Variants in CNTNAP2 observed in about 807,000 individuals in gnomAD.
The protein encoded by CNTNAP2 is contactin-associated protein-like 2.
CNTNAP2 carries 98 observed loss-of-function variants against 155.2 expected under a neutral mutation model. The ratio of observed to expected loss-of-function variants is 0.63; its 90% CI spans 0.54 to 0.75. CNTNAP2 has a LOEUF of 0.75. CNTNAP2 is among the 30% of genes least tolerant of loss of function. The probability of loss-of-function intolerance (pLI) is 0.00; values close to 1 mark genes in which losing one functional copy is unlikely to be tolerated. For synonymous variants in CNTNAP2, 651 were observed against 631.2 expected, an observed-to-expected ratio of 1.03 and a Z score of -0.47; for missense variants, 1,727 against 1,688.1, an observed-to-expected ratio of 1.02 and a Z score of -0.40.
intron 9 of CNTNAP2, among the ~76,000 whole-genome samples, chr7:147,384,504 G>C (rs962399043): frequency 6.6e-6 from 1 of 152,096 alleles, no homozygotes; most frequent in Non-Finnish European, 1.5e-5. Context: ...AGCCACAGAA[G>C]TCACCCTGGT....
intron 19 of CNTNAP2, among the ~76,000 whole-genome samples, chr7:148,227,884 CGTGTGTGTGTGTGTGTGTGTGTGTGTGT>C (rs3057282): frequency 7.6e-6 from 1 of 131,406 alleles, no homozygotes. Context: ...AAGAGCACAG[CGTGTGTGTGTGTGTGTGTGTGTGTGTGT>C]GTGTGTGTGT....
At chr7:147,927,942 A>G (rs1309324056) in intron 14 of CNTNAP2, among the ~76,000 whole-genome samples, 1 of 152,186 alleles carries the variant, frequency 6.6e-6, no homozygotes, top group East Asian at 1.9e-4. Flanking sequence ...CCCCACTCAA[A>G]TCTCATCTTG....
At chr7:146,273,830 A>AT (rs1171063929) in intron 1 of CNTNAP2, among the ~76,000 whole-genome samples, 2 of 152,142 alleles carry the variant, frequency 1.3e-5, no homozygotes, top group Non-Finnish European at 2.9e-5. Context: ...TTCTTCGTAA[A>AT]ACAAGGCGAT....
intron 3 of CNTNAP2, among the ~76,000 whole-genome samples, chr7:147,022,976 G>A (rs766474929): frequency 3.9e-5 from 6 of 152,112 alleles, no homozygotes; most frequent in South Asian, 2.1e-4. Context: ...CTATGGAACC[G>A]AGAATCATTA....
intron 15 of CNTNAP2, among the ~76,000 whole-genome samples, chr7:148,011,124 A>G (rs1172513718): frequency 5.3e-5 from 8 of 152,138 alleles, no homozygotes; most frequent in African/African-American, 1.9e-4. Flanking sequence ...GTAAAAGTCA[A>G]TAGCTTCTGT....
Position 147,460,533 on chromosome 7 carries a change from A to G in CNTNAP2, c.1671-25402A>G, listed in dbSNP as rs1005486666. Among the ~76,000 whole-genome samples the G allele has an allele frequency of 2.6e-5, 4 of 152,144 alleles. 1 individual carries two copies. In the South Asian group the frequency reaches 8.3e-4, roughly 31 times the overall value. ...TGGCCGTAATTGGTTTTGTTTTACC[A>G]TCTGGTTTAGACTTCCCCCTCAGCC... On this transcript the variant is annotated intron_variant, in intron 10 of 23. Coordinates refer to ENST00000361727, the MANE Select transcript of CNTNAP2 (RefSeq NM_014141.6).
chr7:146,312,410 C>T (rs577116938), intron 1 of CNTNAP2, among the ~76,000 whole-genome samples: 119 of 151,392 alleles, frequency 7.9e-4, no homozygotes, highest in African/African-American at 2.6e-3. Flanking sequence ...GGTGTGTTGG[C>T]GATTTTTTAT....
chr7:146,490,140 G>A (rs1406677018), intron 1 of CNTNAP2, among the ~76,000 whole-genome samples: 5 of 152,102 alleles, frequency 3.3e-5, no homozygotes, highest in Non-Finnish European at 7.4e-5. Flanking sequence ...ACCTGCCTAG[G>A]CATTTGTCTG....
intron 14 of CNTNAP2, among the ~76,000 whole-genome samples, chr7:147,952,312 G>GCAC (rs200665130): frequency 1.1e-4 from 10 of 93,052 alleles, no homozygotes; most frequent in African/African-American, 3.8e-4. Context: ...TGTGGTGGTG[G>GCAC]ATGCCTGTAA....
At chr7:146,574,782 G>C (rs1563141111) in intron 1 of CNTNAP2, among the ~76,000 whole-genome samples, 1 of 152,084 alleles carries the variant, frequency 6.6e-6, no homozygotes, top group Non-Finnish European at 1.5e-5. Context: ...ATCTAATTTT[G>C]TCTCTCTTTT....
chr7:147,124,927 C>T (rs1175113896), intron 6 of CNTNAP2, among the ~76,000 whole-genome samples: 2 of 122,356 alleles, frequency 1.6e-5, no homozygotes, highest in African/African-American at 6.6e-5. Flanking sequence ...TATCACTAGG[C>T]TGGAGTGCAG....
intron 1 of CNTNAP2, among the ~76,000 whole-genome samples, chr7:146,393,124 A>C (rs989418267): frequency 6.6e-6 from 1 of 152,304 alleles, no homozygotes; most frequent in Middle Eastern, 3.4e-3. Context: ...ATACATTGTT[A>C]GTATTTTTCC....
chr7:146,650,661 C>T (rs916000664), intron 1 of CNTNAP2, among the ~76,000 whole-genome samples: 31 of 152,154 alleles, frequency 2.0e-4, no homozygotes, highest in African/African-American at 7.0e-4. Flanking sequence ...ACAGGTTCTG[C>T]ACATGTATCC....
chr7:148,370,251 G>A (rs565535185), intron 21 of CNTNAP2, among the ~76,000 whole-genome samples: 11 of 152,186 alleles, frequency 7.2e-5, no homozygotes, highest in South Asian at 4.2e-4. Context: ...AAAGCTCTCC[G>A]GCTCCCCAGT....
chr7:147,461,157 C>T (rs1348460096), intron 10 of CNTNAP2, among the ~76,000 whole-genome samples: 1 of 152,082 alleles, frequency 6.6e-6, no homozygotes, highest in Non-Finnish European at 1.5e-5. Flanking sequence ...GCCTGCTTCA[C>T]AGTAATGACA....
intron 1 of CNTNAP2, among the ~76,000 whole-genome samples, chr7:146,562,245 A>G (rs1390364970): frequency 2.0e-5 from 3 of 152,124 alleles, no homozygotes; most frequent in Admixed American, 1.3e-4. Flanking sequence ...TTTGTTTTAG[A>G]TATGAGTTTT....
intron 21 of CNTNAP2, among the ~76,000 whole-genome samples, chr7:148,314,455 G>A (rs1797649841): frequency 6.6e-6 from 1 of 152,196 alleles, no homozygotes; most frequent in Non-Finnish European, 1.5e-5. Flanking sequence ...TAGGTTTTAG[G>A]TCAGGTGTGA....
At chr7:148,160,720 C>T (rs1358246406) in intron 17 of CNTNAP2, among the ~76,000 whole-genome samples, 1 of 152,158 alleles carries the variant, frequency 6.6e-6, no homozygotes, top group Admixed American at 6.5e-5. Flanking sequence ...TTCAGATCCA[C>T]AGCTATTGAT....
intron 1 of CNTNAP2, among the ~76,000 whole-genome samples, chr7:146,447,014 CT>C (rs1468527256): frequency 6.6e-6 from 1 of 151,884 alleles, no homozygotes. Context: ...GTTAATTTTG[CT>C]TTAAAGATAT....
Sources: gnomAD v4.1 joint callset for allele counts (sites outside exome capture counted in the v4.1 genomes callset) on GRCh38, gnomAD v4.1.1 for gene constraint, MANE v1.5 for transcripts, NCBI Gene and HGNC (gene_info 2026-07-23, HGNC 2026-07-21) for gene names.